TLE2: variants seen among roughly 807,000 people sequenced by gnomAD.
TLE2 encodes TLE family member 2, transcriptional corepressor.
TLE2 carries 74 observed loss-of-function variants against 97.2 expected under a neutral mutation model. The observed-to-expected ratio is 0.76, with a 90% CI of 0.63 to 0.92. TLE2 has a LOEUF of 0.92. TLE2 is among the 40% of genes least tolerant of loss of function. The probability of loss-of-function intolerance (pLI) is 0.00; values close to 1 mark genes in which losing one functional copy is unlikely to be tolerated. For synonymous variants in TLE2, 499 were observed against 432.1 expected, an observed-to-expected ratio of 1.15 and a Z score of -1.92; for missense variants, 1,038 against 1,008.7, an observed-to-expected ratio of 1.03 and a Z score of -0.39.
At position 3,015,713 on chromosome 19, in the gene TLE2, C is replaced by G. The variant is rs200165721; in HGVS notation, c.618G>C (p.Pro206=). 1.2e-6 allele frequency: 2 copies of G among 1,611,510 alleles called. No homozygotes were observed. The highest frequency in any genetic ancestry group is 3.3e-5 in the Admixed American group (2 of 59,788). ...PPESLVEEER[P]SGPGGGGKQR... ...GCTTCCCGCCACCACCAGGGCCACTCGGTCGCTCCTCCTCCACGAGACTCT... is the reference window on the plus strand; with the variant it reads ...GCTTCCCGCCACCACCAGGGCCACTGGGTCGCTCCTCCTCCACGAGACTCT... The change falls in exon 9 of 20, where the codon CCG becomes CCC. Residue 206 remains proline, a synonymous_variant. Coordinates refer to ENST00000262953, the MANE Select transcript of TLE2 (RefSeq NM_003260.5).
intron 19 of TLE2, 64 bp from the exon 20 acceptor site, chr19:2,998,019 G>A: frequency 8.2e-7 from 1 of 1,224,318 alleles, no homozygotes; most frequent in East Asian, 2.5e-5. Flanking sequence ...TGGGTGTGTG[G>A]GCAAGGCTGG....
chr19:3,034,858 G>T (rs1197177024), intron 1 of TLE2, among the ~76,000 whole-genome samples: 3 of 152,100 alleles, frequency 2.0e-5, no homozygotes, highest in Non-Finnish European at 4.4e-5. Context: ...GGGGACAGAG[G>T]TACAGGGACA....
In TLE2 at chr19:3,019,910, C is replaced by G; in HGVS notation, c.295-137G>C. On this transcript the variant is annotated intron_variant, in intron 5 of 19. Transcript: ENST00000262953. This position sits in a 1 kb window ranked among gnomAD's most constrained non-coding sequence, Gnocchi z 5.1. ...TCCCATTTCTCTTTTATCTTTTTCCCTCTCACTCTCTCCCTTTCCTTTTGG... is the reference window on the plus strand; with the variant it reads ...TCCCATTTCTCTTTTATCTTTTTCCGTCTCACTCTCTCCCTTTCCTTTTGG... 2 of 1,170,176 alleles carry G rather than the reference C, an allele frequency of 1.7e-6. No individual in the cohort carries two copies. Among genetic ancestry groups the G allele is most frequent in the South Asian group, 3.1e-5 (2 of 65,548 alleles). The allele number at this position is 1,170,176 out of a possible 1,614,324, so 72.5% of individuals were successfully genotyped here. A position where few individuals can be genotyped will look rare whatever the true frequency, so the allele number is the denominator to read the frequency against.
intron 8 of TLE2, among the ~76,000 whole-genome samples, chr19:3,016,419 C>CAAAAAAAAAAAAAAAAAAAAAA (rs34669546): frequency 1.1e-5 from 1 of 91,552 alleles, no homozygotes; most frequent in Non-Finnish European, 2.1e-5. Flanking sequence ...ACTAAAAATA[C>CAAAAAAAAAAAAAAAAAAAAAA]AAAAAAAAAA....
intron 10 of TLE2, among the ~76,000 whole-genome samples, chr19:3,014,275 T>C (rs11667215): frequency 0.056 from 8,526 of 152,160 alleles, 343 homozygotes; most frequent in South Asian, 0.097. Context: ...GCGAGGACTA[T>C]ATAAAGGCTT....
At chr19:3,009,487 G>T in intron 13 of TLE2, 55 bp downstream of exon 13, 1 of 1,518,844 alleles carries the variant, frequency 6.6e-7, no homozygotes, top group Non-Finnish European at 8.8e-7. Flanking sequence ...TCTCCTCCCG[G>T]CCCCCAGCCC....
chr19:3,013,803 G>C lies in TLE2; in HGVS notation c.739C>G (p.Pro247Ala), dbSNP rs183988682. The change falls in exon 11 of 20, where the codon CCC becomes GCC. Residue 247 changes from proline (P) to alanine (A), a missense_variant. Coordinates refer to ENST00000262953, the MANE Select transcript of TLE2 (RefSeq NM_003260.5). ...CAGGGGGTGGTAGCCGGGCTGGGGG[G>C]CTCTGAGGGTTGGTCCTGGGTTTGA... ...LVVDEDQPSE[P>A]PSPATTPCGK... 1.9e-6 allele frequency: 3 copies of C among 1,546,310 alleles called. No homozygotes were observed. The highest frequency in any genetic ancestry group is 4.2e-5 in the Admixed American group (2 of 47,500).
At chr19:3,003,218 GGAGGAGGGAGA>G (rs1319273227) in intron 17 of TLE2, among the ~76,000 whole-genome samples, 2 of 152,186 alleles carry the variant, frequency 1.3e-5, no homozygotes, top group African/African-American at 4.8e-5. Flanking sequence ...AACAGCACAG[GGAGGAGGGAGA>G]GAGGAGGGAG....
chr19:3,009,895 CT>C (rs969157929), intron 12 of TLE2, among the ~76,000 whole-genome samples, 193 bp from the exon 13 acceptor site: 1 of 91,106 alleles, frequency 1.1e-5, no homozygotes, highest in Non-Finnish European at 2.4e-5. Context: ...CTCTTTTTTT[CT>C]TTTGTTTGAG....
chr19:3,016,046 C>T, intron 8 of TLE2: 1 of 502,852 alleles, frequency 2.0e-6, no homozygotes, highest in Non-Finnish European at 3.8e-6. Flanking sequence ...AAGCGATCCT[C>T]CTGCCTCAGC....
intron 19 of TLE2, among the ~76,000 whole-genome samples, chr19:3,000,016 G>C (rs2089319502): frequency 6.6e-6 from 1 of 151,092 alleles, no homozygotes; most frequent in Non-Finnish European, 1.5e-5. Context: ...CTGGGAGACA[G>C]AGCAAGATTC....
At chr19:3,022,191 G>A (rs1035031198) in intron 5 of TLE2, among the ~76,000 whole-genome samples, 4 of 151,938 alleles carry the variant, frequency 2.6e-5, no homozygotes, top group African/African-American at 9.7e-5. Flanking sequence ...TGGGATTACA[G>A]GCACCTGCCA....
intron 19 of TLE2, 63 bp from the exon 20 acceptor site, chr19:2,998,018 G>A: frequency 8.2e-7 from 1 of 1,223,528 alleles, no homozygotes; most frequent in Non-Finnish European, 1.2e-6. Flanking sequence ...ATGGGTGTGT[G>A]GGCAAGGCTG....
In TLE2 at chr19:3,005,976, C is replaced by A; in HGVS notation, c.1501-8G>T. ...AATGTAGTTGTCTCGGTTCTGGGGT[C>A]GGGGAGAGAAGCAGGGGCTGGGGGT... On this transcript the variant is annotated splice_polypyrimidine_tract_variant and splice_region_variant and intron_variant, in intron 15 of 19. Transcript: ENST00000262953. 1 of 1,603,988 alleles carries A rather than the reference C, an allele frequency of 6.2e-7. No homozygotes were observed. The highest frequency in any genetic ancestry group is 8.5e-7 in the Non-Finnish European group (1 of 1,172,726).
rs796339147 is a variant in TLE2 at position 2,998,275 on chromosome 19, G to GTGTGTGTGTA, written c.2125-321_2125-320insTACACACACA. ...TGTGTGTGTGTGTGTGTGTGTGTGTGTAATTTTTTTTTTTTTTTGTGAGAC... is the reference window on the plus strand; with the variant it reads ...TGTGTGTGTGTGTGTGTGTGTGTGTGTGTGTGTGTATAATTTTTTTTTTTTTTTGTGAGAC... On this transcript the variant is annotated intron_variant, in intron 19 of 19. Coordinates refer to ENST00000262953, the MANE Select transcript of TLE2 (RefSeq NM_003260.5). Among the ~76,000 whole-genome samples the GTGTGTGTGTA allele has an allele frequency of 1.9e-3, 207 of 110,338 alleles. 1 individual carries two copies. The highest frequency in any genetic ancestry group is 5.5e-3 in the African/African-American group (195 of 35,776). 72.4% of individuals were successfully genotyped at this position (110,338 alleles called of 152,430 possible).
At chr19:2,999,397 A>T (rs979040565) in intron 19 of TLE2, among the ~76,000 whole-genome samples, 12 of 152,154 alleles carry the variant, frequency 7.9e-5, no homozygotes, top group African/African-American at 2.9e-4. Context: ...GATGCAGAGA[A>T]TTTTAAAATT....
rs961511916 is a variant in TLE2, at chr19:3,029,113, G to C, written c.-209C>G. 153 of 1,177,044 alleles carry C rather than the reference G, an allele frequency of 1.3e-4. No homozygotes were observed. Among genetic ancestry groups the C allele is most frequent in the Non-Finnish European group, 1.5e-4 (146 of 952,042 alleles). The allele number at this position is 1,177,044 out of a possible 1,614,324, so 72.9% of individuals were successfully genotyped here. ...CGTGGGAGCCCCTCCCCGGGTTGGG[G>C]TGCGCGGGGCGAGCGGGGCGGGCAG... On this transcript the variant is annotated 5_prime_UTR_variant, in exon 1 of 20. Transcript: ENST00000262953.
In TLE2 at chr19:3,005,705, C is replaced by A; in HGVS notation, c.1748+16G>T. The A allele has an allele frequency of 6.2e-7, 1 of 1,610,330 alleles. No individual in the cohort carries two copies. The highest frequency in any genetic ancestry group is 8.5e-7 in the Non-Finnish European group (1 of 1,177,320). ...GCCGGGGGCTTGCCCAAGGTCCCAG[C>A]GCACCTGCCACCCACCTGACCATAG... On this transcript the variant is annotated intron_variant, in intron 16 of 19. Coordinates refer to ENST00000262953, the MANE Select transcript of TLE2 (RefSeq NM_003260.5).
chr19:3,019,618 G>C lies in TLE2; in HGVS notation c.369+81C>G. The C allele has an allele frequency of 3.9e-6, 6 of 1,548,160 alleles. No homozygotes were observed. Among genetic ancestry groups the C allele is most frequent in the Non-Finnish European group, 5.2e-6 (6 of 1,144,598 alleles). ...GAGCCAAGGCCCACACACCACCCCA[G>C]CTTTAACACCTCCTGGGTGGGTGCC... On this transcript the variant is annotated intron_variant, in intron 6 of 19. Coordinates refer to ENST00000262953, the MANE Select transcript of TLE2 (RefSeq NM_003260.5). The surrounding 1 kb of genome is among the most constrained non-coding windows in gnomAD (Gnocchi z 5.1).
Sources: gnomAD v4.1 joint callset for allele counts (sites outside exome capture counted in the v4.1 genomes callset) on GRCh38, gnomAD v4.1.1 for gene constraint, Gnocchi (gnomAD v3.1) non-coding constraint, MANE v1.5 for transcripts, NCBI Gene and HGNC (gene_info 2026-07-23, HGNC 2026-07-21) for gene names.